The following TSR1 variants were observed in gnomAD, a reference collection of about 807,000 sequenced individuals.
TSR1 encodes TSR1 ribosome maturation factor.
Under a neutral mutation model 90.9 loss-of-function variants are expected in TSR1, and 81 were observed. The observed-to-expected ratio is 0.89, with a 90% CI of 0.74 to 1.07. The LOEUF is 1.07. Ranked by LOEUF, TSR1 falls within the 50% of genes least tolerant of loss-of-function variation. The pLI, the probability that TSR1 is intolerant of heterozygous loss-of-function variation, is 0.00. For missense variants in TSR1, 989 were observed against 987.3 expected (o/e 1.00, Z -0.02); for synonymous variants, 362 against 348.8 (o/e 1.04, Z -0.42).
Position 2,335,298 on chromosome 17 carries a change from C to T in TSR1, c.518G>A (p.Cys173Tyr). 6.2e-7 allele frequency: 1 copy of T among 1,614,096 alleles called. No homozygotes were observed. Among genetic ancestry groups the T allele is most frequent in the South Asian group, 1.1e-5 (1 of 91,082 alleles). Residue 173 changes from cysteine (C) to tyrosine (Y), a missense_variant, in exon 4 of 15, where the codon TGT (cysteine) becomes TAT (tyrosine). By Grantham distance (194) the Cys-to-Tyr change is radical. Transcript: ENST00000301364. The stretch of plus-strand genomic sequence containing the variant: ...GCCCTGAGCAAAGAGGCAGGAAAGA[C>T]AGTAATCACCGGTGCTGTCCCAGCC... ...LEGWDSTGDY[C>Y]LSCLFAQGLP...
rs1393970497 is a variant in TSR1, at chr17:2,336,397, G to C, written c.31C>G (p.Gln11Glu). Residue 11 changes from glutamine to glutamate, a missense_variant, in exon 1 of 15, where the codon CAG becomes GAG. Gln to Glu is a conservative substitution (Grantham distance 29, BLOSUM62 2). Coordinates refer to ENST00000301364, the MANE Select transcript of TSR1 (RefSeq NM_018128.5). ...CCGCCTTTATGAGCTTTATTCTGCTGCTTGAGCGGGCCGGGGCGGTGGGCC... is the reference window on the plus strand; with the variant it reads ...CCGCCTTTATGAGCTTTATTCTGCTCCTTGAGCGGGCCGGGGCGGTGGGCC... The part of the protein sequence containing the change: MAAHRPGPLK[Q>E]QNKAHKGGRH... 6.2e-7 allele frequency: 1 copy of C among 1,612,614 alleles called. No homozygotes were observed. The highest frequency in any genetic ancestry group is 1.1e-5 in the South Asian group (1 of 91,038).
chr17:2,334,833 A>G lies in TSR1; in HGVS notation c.620T>C (p.Leu207Pro). 1 of 1,614,200 alleles carries G rather than the reference A, an allele frequency of 6.2e-7. No homozygotes were observed. Among genetic ancestry groups the G allele is most frequent in the Non-Finnish European group, 8.5e-7 (1 of 1,180,036 alleles). The change falls in exon 5 of 15, where the codon CTA becomes CCA. Residue 207 changes from leucine (L) to proline (P), a missense_variant. Coordinates refer to ENST00000301364, the MANE Select transcript of TSR1 (RefSeq NM_018128.5). ...LKKQIDTRKK[L>P]SKAVEKRFPH... is the part of the protein sequence containing the mutation. ...AAAGCGCTTCTCCACTGCTTTACTT[A>G]GCTTCTTCCTGGTATCTATTTGTTT...
Position 2,332,281 on chromosome 17 carries a change from T to C in TSR1, c.1384A>G (p.Lys462Glu), listed in dbSNP as rs759546918. The C allele has an allele frequency of 6.2e-7, 1 of 1,614,100 alleles. No individual in the cohort carries two copies. The highest frequency in any genetic ancestry group is 1.1e-5 in the South Asian group (1 of 91,076). Residue 462 changes from lysine (K) to glutamate (E), a missense_variant, in exon 8 of 15, where the codon AAA becomes GAA. Physicochemically the swap from Lys to Glu is moderately conservative, Grantham distance 56 (BLOSUM62 1). Coordinates refer to ENST00000301364, the MANE Select transcript of TSR1 (RefSeq NM_018128.5). ...TTTGCCTCAGCTTCTTCATCTACTT[T>C]CTTATCATACAGATCATCATGCACA... ...ESVHDDLYDK[K>E]VDEEAEAKML... is the part of the protein sequence containing the mutation.
Position 2,324,719 on chromosome 17 carries a change from C to T in TSR1, c.2131G>A (p.Ala711Thr). ...GHPFKIFTKM[A>T]VVRYMFFNRE... ...TTGAAGAACATGTAACGTACTACTG[C>T]CATCTTAGTAAAAATTTTGAAAGGA... Residue 711 changes from alanine (A) to threonine (T), a missense_variant, in exon 13 of 15, where the codon GCA becomes ACA. Ala to Thr is a moderately conservative substitution (Grantham distance 58). Coordinates refer to ENST00000301364, the MANE Select transcript of TSR1 (RefSeq NM_018128.5). 6.2e-7 allele frequency: 1 copy of T among 1,614,166 alleles called. No individual in the cohort carries two copies. The highest frequency in any genetic ancestry group is 8.5e-7 in the Non-Finnish European group (1 of 1,180,026).
chr17:2,333,549 A>C lies in TSR1; in HGVS notation c.1141+8T>G. ...AGATGAATTACAGACAAGTTTACCA[A>C]TACTGACCCTTTGCCTCGCTCAGCT... On this transcript the variant is annotated splice_region_variant and intron_variant, in intron 6 of 14. Coordinates refer to ENST00000301364, the MANE Select transcript of TSR1 (RefSeq NM_018128.5). 1 of 1,614,048 alleles carries C rather than the reference A, an allele frequency of 6.2e-7. No individual in the cohort carries two copies. The highest frequency in any genetic ancestry group is 8.5e-7 in the Non-Finnish European group (1 of 1,179,972).
chr17:2,335,618 T>A lies in TSR1; in HGVS notation c.314A>T (p.Asp105Val), dbSNP rs1448350344. 6.2e-7 allele frequency: 1 copy of A among 1,614,180 alleles called. No individual in the cohort carries two copies. Among genetic ancestry groups the A allele is most frequent in the Non-Finnish European group, 8.5e-7 (1 of 1,180,022 alleles). ...SLPEAMQLLQ[D>V]RDTGTVHLNE... Reference sequence around the variant, plus strand: ...CAAGTGTACTGTTCCAGTGTCCCTATCTTGAAGCAGCTGCATGGCCTCTGG... The same window carrying A: ...CAAGTGTACTGTTCCAGTGTCCCTAACTTGAAGCAGCTGCATGGCCTCTGG... Residue 105 changes from aspartate to valine, a missense_variant, in exon 3 of 15, where the codon GAT becomes GTT. Asp to Val is a radical substitution (Grantham distance 152, BLOSUM62 -3). Transcript: ENST00000301364.
Position 2,329,402 on chromosome 17 carries a change from A to G in TSR1, c.1844T>C (p.Ile615Thr). ...GAAGCGCCTGAATCCACAGTGAAAT[A>G]TGAGCTCTTCCTTGGCTTTCACAGG... ...TEPVKAKEEL[I>T]FHCGFRRFRA... Residue 615 changes from isoleucine to threonine, a missense_variant, in exon 11 of 15, where the codon ATA becomes ACA. Physicochemically the swap from Ile to Thr is moderately conservative, Grantham distance 89. Coordinates refer to ENST00000301364, the MANE Select transcript of TSR1 (RefSeq NM_018128.5). 6.2e-7 allele frequency: 1 copy of G among 1,614,208 alleles called. No individual in the cohort carries two copies. The highest frequency in any genetic ancestry group is 1.7e-4 in the Middle Eastern group (1 of 6,060).
In TSR1 at chr17:2,324,188, T is replaced by G; in HGVS notation, c.*8A>C. On this transcript the variant is annotated 3_prime_UTR_variant, in exon 15 of 15. Transcript: ENST00000301364. ...TGGCACCGGTAAGACAGAATCTCTT[T>G]GAATCCATTACTCCATGCCCCCTTG... The G allele has an allele frequency of 6.6e-7, 1 of 1,516,576 alleles. No homozygotes were observed. Among genetic ancestry groups the G allele is most frequent in the South Asian group, 1.4e-5 (1 of 72,532 alleles). 93.9% of individuals were successfully genotyped at this position (1,516,576 alleles called of 1,614,324 possible).
At chr17:2,330,849 C>A in intron 9 of TSR1, 98 bp downstream of exon 9, 1 of 1,404,670 alleles carries the variant, frequency 7.1e-7, no homozygotes, top group Non-Finnish European at 9.6e-7. Flanking sequence ...TCCCCTAATC[C>A]CCAAATGCAG....
rs763195873 is a variant in TSR1, at chr17:2,333,651, A to T, written c.1047T>A (p.Pro349=). Residue 349 remains proline (P), a synonymous_variant, in exon 6 of 15, where the codon CCT becomes CCA. Transcript: ENST00000301364. ...EGLKVLMKAD[P]GRQESLQAEV... Reference sequence around the variant, plus strand: ...CTGCTTGCAAGGATTCCTGTCTACCAGGGTCTGCCTTCATTAGGACTTTAA... The same window carrying T: ...CTGCTTGCAAGGATTCCTGTCTACCTGGGTCTGCCTTCATTAGGACTTTAA... 1 of 1,614,166 alleles carries T rather than the reference A, an allele frequency of 6.2e-7. No individual in the cohort carries two copies. Among genetic ancestry groups the T allele is most frequent in the Admixed American group, 1.7e-5 (1 of 60,012 alleles).
chr17:2,332,518 C>T (rs1019560179), intron 7 of TSR1, among the ~76,000 whole-genome samples, 159 bp from the exon 8 acceptor site: 1 of 152,162 alleles, frequency 6.6e-6, no homozygotes, highest in Non-Finnish European at 1.5e-5. Context: ...TCATTCCTGG[C>T]AACTACAGAG....
Position 2,336,445 on chromosome 17 carries a change from C to T in TSR1, c.-18G>A, listed in dbSNP as rs1224891034. 1.3e-5 allele frequency: 21 copies of T among 1,606,478 alleles called. No homozygotes were observed. Among genetic ancestry groups the T allele is most frequent in the Non-Finnish European group, 1.6e-5 (19 of 1,179,114 alleles). On this transcript the variant is annotated 5_prime_UTR_variant, in exon 1 of 15. Transcript: ENST00000301364. ...GCCGCCATGCCGCAGCGCGCGTGTA[C>T]GGAGTCAGCACTGCTTCCGGGCCAG...
rs762941266 is a variant in TSR1 at position 2,330,511 on chromosome 17, T to G, written c.1770+4A>C. ...CCCCATTTTCCCACAAGACAGCAAT[T>G]TACCTTCTGTTCATGAGGTAGTAAA... is the stretch of plus-strand genomic sequence containing the variant. On this transcript the variant is annotated splice_donor_region_variant and intron_variant, in intron 10 of 14. Transcript: ENST00000301364. 6.2e-7 allele frequency: 1 copy of G among 1,611,374 alleles called. No individual in the cohort carries two copies. Among genetic ancestry groups the G allele is most frequent in the East Asian group, 2.2e-5 (1 of 44,852 alleles).
In TSR1 at chr17:2,334,676, A is replaced by C. The variant is rs1199054830; in HGVS notation, c.777T>G (p.Asp259Glu). 4 of 1,613,634 alleles carry C rather than the reference A, an allele frequency of 2.5e-6. No individual in the cohort carries two copies. The South Asian group carries it at 3.3e-5, about 13-fold the overall frequency. Residue 259 changes from aspartate to glutamate, a missense_variant, in exon 5 of 15, where the codon GAT becomes GAG. Transcript: ENST00000301364. Reference protein sequence around the residue: ...RRAYLFAHAVDFVPSEENNLV... With the variant: ...RRAYLFAHAVEFVPSEENNLV... ...AGTTATTCTCTTCACTAGGAACAAA[A>C]TCAACAGCATGGGCAAATAGGTAGG... is the stretch of plus-strand genomic sequence containing the variant.
At chr17:2,333,495 C>G (rs1164173887) in intron 6 of TSR1, 62 bp downstream of exon 6, 5 of 1,606,706 alleles carry the variant, frequency 3.1e-6, no homozygotes, top group Non-Finnish European at 4.3e-6. Context: ...TCACTTGGAA[C>G]AGCTACAGAA....
Position 2,323,025 on chromosome 17 carries a change from A to C in TSR1, c.*1171T>G. The C allele has an allele frequency of 1.7e-6, 2 of 1,156,914 alleles. No individual in the cohort carries two copies. Among genetic ancestry groups the C allele is most frequent in the South Asian group, 1.4e-5 (1 of 72,268 alleles). The allele number at this position is 1,156,914 out of a possible 1,614,324, so 71.7% of individuals were successfully genotyped here. The stretch of plus-strand genomic sequence containing the variant: ...GCTGATCCACCCGCCTCGGGCTCCC[A>C]AAGTGTTGGGATTACAGGTGTGAGC... On this transcript the variant is annotated 3_prime_UTR_variant, in exon 15 of 15. Coordinates refer to ENST00000301364, the MANE Select transcript of TSR1 (RefSeq NM_018128.5).
At chr17:2,333,967 A>G (rs1017423903) in intron 5 of TSR1, among the ~76,000 whole-genome samples, 1 of 152,028 alleles carries the variant, frequency 6.6e-6, no homozygotes, top group Non-Finnish European at 1.5e-5. Context: ...ACTCCCATCA[A>G]GCTGATTTCT....
chr17:2,324,155 G>T lies in TSR1; in HGVS notation c.*41C>A, dbSNP rs774606553. 1 of 1,511,754 alleles carries T rather than the reference G, an allele frequency of 6.6e-7. No homozygotes were observed. Among genetic ancestry groups the T allele is most frequent in the East Asian group, 2.3e-5 (1 of 43,910 alleles). 93.6% of individuals were successfully genotyped at this position (1,511,754 alleles called of 1,614,324 possible). ...ACAACTTGTGCCTCCCATCCCTGGA[G>T]TACTGACTGGCACCGGTAAGACAGA... On this transcript the variant is annotated 3_prime_UTR_variant, in exon 15 of 15. Coordinates refer to ENST00000301364, the MANE Select transcript of TSR1 (RefSeq NM_018128.5).
chr17:2,335,836 T>C, intron 2 of TSR1, 106 bp from the exon 3 acceptor site: 1 of 1,383,232 alleles, frequency 7.2e-7, no homozygotes, highest in Non-Finnish European at 9.8e-7. Flanking sequence ...CCAGCATCTC[T>C]CTAGTAAAAG....
Sources: gnomAD v4.1 joint callset for allele counts (sites outside exome capture counted in the v4.1 genomes callset) on GRCh38, gnomAD v4.1.1 for gene constraint, MANE v1.5 for transcripts, NCBI Gene and HGNC (gene_info 2026-07-23, HGNC 2026-07-21) for gene names.